The following SAMMSON variants were observed in gnomAD, a reference collection of about 807,000 sequenced individuals.
The protein encoded by SAMMSON is long intergenic non-protein coding RNA 1212.
intron 3 of SAMMSON, among the ~76,000 whole-genome samples, chr3:70,031,277 A>G (rs2067065138): frequency 6.6e-6 from 1 of 152,192 alleles, no homozygotes; most frequent in Non-Finnish European, 1.5e-5. Flanking sequence ...ACTGAATGAA[A>G]TAAGCCAGAC....
At chr3:70,191,580 CGT>C (rs1287823518) in intron 4 of SAMMSON, among the ~76,000 whole-genome samples, 2 of 152,282 alleles carry the variant, frequency 1.3e-5, no homozygotes, top group Admixed American at 1.3e-4. Flanking sequence ...TTATTGGGTA[CGT>C]ATCTTAAAAG....
At chr3:70,185,982 A>C (rs898431858) in intron 4 of SAMMSON, among the ~76,000 whole-genome samples, 2 of 152,036 alleles carry the variant, frequency 1.3e-5, no homozygotes, top group South Asian at 2.1e-4. Context: ...GTCTCAAAAA[A>C]ACCCAGAAAA....
chr3:70,386,197 G>A (rs1241739547), intron 9 of SAMMSON, among the ~76,000 whole-genome samples: 6 of 152,074 alleles, frequency 3.9e-5, no homozygotes, highest in Non-Finnish European at 8.8e-5. Context: ...ATCCAAGCCA[G>A]ACATAAAATG....
intron 7 of SAMMSON, among the ~76,000 whole-genome samples, chr3:70,294,233 AT>A (rs1257960303): frequency 2.6e-5 from 4 of 152,186 alleles, no homozygotes; most frequent in Non-Finnish European, 5.9e-5. Flanking sequence ...TAAAAATTAC[AT>A]TAAATTGATT....
At chr3:70,055,228 G>T (rs937512865) in intron 3 of SAMMSON, among the ~76,000 whole-genome samples, 3 of 152,008 alleles carry the variant, frequency 2.0e-5, no homozygotes, top group Non-Finnish European at 4.4e-5. Context: ...GCTGGATGAT[G>T]GAGGAATATA....
chr3:70,074,266 A>T (rs780876051), intron 4 of SAMMSON, among the ~76,000 whole-genome samples: 1 of 152,096 alleles, frequency 6.6e-6, no homozygotes, highest in Non-Finnish European at 1.5e-5. Context: ...TACTAGAGCC[A>T]TATTATTTAC....
At chr3:70,226,686 C>T (rs1037078905) in intron 4 of SAMMSON, among the ~76,000 whole-genome samples, 7 of 147,440 alleles carry the variant, frequency 4.7e-5, no homozygotes, top group East Asian at 2.0e-4. Context: ...TGCAGTGAGC[C>T]GATATCGTGC....
chr3:70,414,739 A>G (rs1337972591), intron 2 of SAMMSON, among the ~76,000 whole-genome samples: 1 of 152,176 alleles, frequency 6.6e-6, no homozygotes, highest in Non-Finnish European at 1.5e-5. Context: ...CATATAGTTC[A>G]TTTATAAAAT....
chr3:70,156,310 T>C (rs1414546498), intron 4 of SAMMSON, among the ~76,000 whole-genome samples: 1 of 152,078 alleles, frequency 6.6e-6, no homozygotes, highest in Admixed American at 6.6e-5. Flanking sequence ...AGTATTTTCA[T>C]ACTTGTGGTC....
At chr3:70,137,202 G>A (rs1472205387) in intron 4 of SAMMSON, among the ~76,000 whole-genome samples, 5 of 152,086 alleles carry the variant, frequency 3.3e-5, no homozygotes, top group Non-Finnish European at 5.9e-5. Flanking sequence ...TTTTACAAAT[G>A]TAAAATCATG....
intron 8 of SAMMSON, among the ~76,000 whole-genome samples, chr3:70,357,508 CA>C (rs1702838152): frequency 6.6e-6 from 1 of 151,638 alleles, no homozygotes; most frequent in Non-Finnish European, 1.5e-5. Flanking sequence ...AGTGGATTTT[CA>C]AAAAGTGAAA....
rs372639512 is a variant in SAMMSON at position 70,324,221 on chromosome 3, C to T, written n.740-29954C>T. 4.7e-5 allele frequency among the ~76,000 whole-genome samples: 7 copies of T among 149,408 alleles called. 1 individual carries two copies. The highest frequency in any genetic ancestry group is 1.7e-4 in the African/African-American group (7 of 41,002). ...TATCATCTATCTATCTATCCACACA[C>T]ACAGAAAGAGAGAGAGAGAGATCTC... On this transcript the variant is annotated intron_variant and non_coding_transcript_variant, in intron 7 of 9. Transcript: ENST00000642114.
chr3:70,114,952 T>G (rs1451177404), intron 4 of SAMMSON, among the ~76,000 whole-genome samples: 5 of 152,024 alleles, frequency 3.3e-5, no homozygotes, highest in African/African-American at 1.2e-4. Context: ...TTATAGTCAC[T>G]TGGGGAAATT....
intron 3 of SAMMSON, among the ~76,000 whole-genome samples, chr3:70,041,593 T>C (rs900184207): frequency 6.6e-6 from 1 of 152,028 alleles, no homozygotes; most frequent in Non-Finnish European, 1.5e-5. Context: ...TTTGAATCTG[T>C]GGATTCGAGC....
At chr3:70,168,030 G>A (rs2106697111) in intron 4 of SAMMSON, among the ~76,000 whole-genome samples, 1 of 152,092 alleles carries the variant, frequency 6.6e-6, no homozygotes, top group South Asian at 2.1e-4. Context: ...TTTAGGGAGT[G>A]AAAAGTAAAG....
chr3:70,017,212 C>T (rs1404185958), intron 3 of SAMMSON, among the ~76,000 whole-genome samples: 4 of 152,114 alleles, frequency 2.6e-5, no homozygotes, highest in African/African-American at 9.7e-5. Context: ...ATTCTTCCTA[C>T]CCATGAGCAT....
At chr3:70,216,650 A>G (rs1701415028) in intron 4 of SAMMSON, among the ~76,000 whole-genome samples, 1 of 152,140 alleles carries the variant, frequency 6.6e-6, no homozygotes, top group South Asian at 2.1e-4. Context: ...TTACCGTTGT[A>G]TAGTAACCAT....
At chr3:70,299,929 G>A (rs2320472) in intron 7 of SAMMSON, among the ~76,000 whole-genome samples, 31,580 of 151,726 alleles carry the variant, frequency 0.21, 3,479 homozygotes, top group South Asian at 0.28. Flanking sequence ...TCCCACACAC[G>A]CCCTTTCTCC....
chr3:70,168,623 G>A (rs34188744), intron 4 of SAMMSON, among the ~76,000 whole-genome samples: 80,516 of 151,758 alleles, frequency 0.53, 22,774 homozygotes, highest in Non-Finnish European at 0.62. Flanking sequence ...ATGCTGTTAG[G>A]CATAGAATTG....
Sources: allele counts gnomAD v4.1 joint callset (sites outside exome capture counted in the v4.1 genomes callset), GRCh38; gene constraint gnomAD v4.1.1; transcripts MANE v1.5; gene names NCBI Gene and HGNC (gene_info 2026-07-23, HGNC 2026-07-21).